The following IL1RAPL1 variants were observed in gnomAD, a reference collection of about 807,000 sequenced individuals.
IL1RAPL1 encodes the protein interleukin-1 receptor accessory protein-like 1.
A neutral mutation model predicts 48.4 loss-of-function variants in IL1RAPL1; 3 were observed. The ratio of observed to expected loss-of-function variants is 0.06; its 90% CI spans 0.03 to 0.16. IL1RAPL1 has a LOEUF of 0.16. IL1RAPL1 is among the 10% of genes least tolerant of loss of function. The pLI is 1.00. For synonymous variants in IL1RAPL1, 185 were observed against 187.7 expected, an observed-to-expected ratio of 0.99 and a Z score of 0.12; for missense variants, 349 against 530.6, an observed-to-expected ratio of 0.66 and a Z score of 3.36.
rs765881837 is a variant in IL1RAPL1, at chrX:29,141,365, A to G, written c.83-141573A>G. Among the ~76,000 whole-genome samples the G allele has an allele frequency of 2.7e-5, 3 of 111,730 alleles. No homozygotes were observed. The East Asian group carries it at 8.5e-4, about 32-fold the overall frequency. On this transcript the variant is annotated intron_variant, in intron 2 of 10. Coordinates refer to ENST00000378993, the MANE Select transcript of IL1RAPL1 (RefSeq NM_014271.4). ...CATCTCAATAAAACTTACAAACATGAGTCCTAAGGGTAGAATCAATTGGTG... is the reference window on the plus strand; with the variant it reads ...CATCTCAATAAAACTTACAAACATGGGTCCTAAGGGTAGAATCAATTGGTG...
chrX:29,430,308 A>G, intron 5 of IL1RAPL1, among the ~76,000 whole-genome samples: 1 of 111,339 alleles, frequency 9.0e-6, no homozygotes. Flanking sequence ...GCTGTGGAGT[A>G]GTCACTGCAT....
At position 29,508,875 on chromosome X, in the gene IL1RAPL1, C is replaced by CT. The variant is rs1232628477; in HGVS notation, c.703+109573dup. On this transcript the variant is annotated intron_variant, in intron 5 of 10. Transcript: ENST00000378993. ...TATTTATGTGTTATTAGTCTTACCA[C>CT]TTTTTTATATGGAGAAGTCAAAAAT... 2.7e-5 allele frequency among the ~76,000 whole-genome samples: 3 copies of CT among 112,131 alleles called. No individual in the cohort carries two copies. In the South Asian group the frequency reaches 1.1e-3, roughly 41 times the overall value.
intron 2 of IL1RAPL1, among the ~76,000 whole-genome samples, chrX:29,077,956 G>A (rs1927716353): frequency 9.0e-6 from 1 of 111,627 alleles, no homozygotes; most frequent in Non-Finnish European, 1.9e-5. Context: ...GAAAAGCCAC[G>A]CTACAAGACT....
intron 3 of IL1RAPL1, among the ~76,000 whole-genome samples, chrX:29,288,731 G>A (rs537010063): frequency 4.7e-4 from 53 of 112,124 alleles, no homozygotes; most frequent in African/African-American, 1.6e-3. Context: ...TTGAGGAATC[G>A]CCACACTGTC....
chrX:29,230,588 C>T (rs773834604), intron 2 of IL1RAPL1, among the ~76,000 whole-genome samples: 14 of 102,096 alleles, frequency 1.4e-4, no homozygotes, highest in Non-Finnish European at 2.6e-4. Flanking sequence ...TTCATCTCCC[C>T]ATCCCTTCCT....
intron 2 of IL1RAPL1, among the ~76,000 whole-genome samples, chrX:29,065,947 T>C (rs1040300270): frequency 8.9e-6 from 1 of 112,049 alleles, no homozygotes; most frequent in Non-Finnish European, 1.9e-5. Context: ...CTTCTTTAAA[T>C]ATGGTCTCCT....
chrX:28,919,318 T>G (rs953517549), intron 2 of IL1RAPL1, among the ~76,000 whole-genome samples: 10 of 112,289 alleles, frequency 8.9e-5, no homozygotes, highest in Non-Finnish European at 3.8e-5. Flanking sequence ...GGACAACCAG[T>G]TGCTCTCTGT....
chrX:29,493,731 A>G (rs1209555548), intron 5 of IL1RAPL1, among the ~76,000 whole-genome samples: 1 of 111,289 alleles, frequency 9.0e-6, no homozygotes, highest in African/African-American at 3.3e-5. Flanking sequence ...TTACATGGGT[A>G]TATTGCATAA....
chrX:29,097,094 T>C (rs1928231575), intron 2 of IL1RAPL1, among the ~76,000 whole-genome samples: 1 of 111,588 alleles, frequency 9.0e-6, no homozygotes, highest in South Asian at 3.7e-4. Context: ...AGATCCAACA[T>C]TGATATGTTA....
At chrX:28,606,750 T>G (rs767849172) in intron 1 of IL1RAPL1, among the ~76,000 whole-genome samples, 47 of 111,649 alleles carry the variant, frequency 4.2e-4, no homozygotes, top group African/African-American at 1.5e-3. Context: ...TCCCTAAGAA[T>G]TAAAGAGCTA....
intron 2 of IL1RAPL1, among the ~76,000 whole-genome samples, chrX:29,042,354 GTTCCCATTGGAACT>G (rs1926866078): frequency 9.0e-6 from 1 of 111,387 alleles, no homozygotes; most frequent in African/African-American, 3.3e-5. Flanking sequence ...CTCTTCTCTA[GTTCCCATTGGAACT>G]AGAAACTGTT....
chrX:29,772,877 A>G (rs2147152216), intron 6 of IL1RAPL1, among the ~76,000 whole-genome samples: 1 of 111,613 alleles, frequency 9.0e-6, no homozygotes, highest in African/African-American at 3.3e-5. Context: ...TTATTTCCTC[A>G]GGAATCCCTT....
Position 29,045,939 on chromosome X carries a change from T to C in IL1RAPL1, c.83-236999T>C, listed in dbSNP as rs867625984. Among the ~76,000 whole-genome samples the C allele has an allele frequency of 5.2e-3, 190 of 36,620 alleles. 7 individuals carry two copies. Among genetic ancestry groups the C allele is most frequent in the African/African-American group, 0.051 (174 of 3,437 alleles). 31.8% of individuals were successfully genotyped at this position (36,620 alleles called of 115,157 possible). A position where few individuals can be genotyped will look rare whatever the true frequency, so the allele number is the denominator to read the frequency against. ...CCTTCTTCCTCCTCCTCCTCCTCCT[T>C]CTTCCTCCTCCTCCTCCTCCTCCTC... On this transcript the variant is annotated intron_variant, in intron 2 of 10. Coordinates refer to ENST00000378993, the MANE Select transcript of IL1RAPL1 (RefSeq NM_014271.4).
chrX:29,803,513 A>G (rs763908253), intron 6 of IL1RAPL1, among the ~76,000 whole-genome samples: 2,758 of 95,714 alleles, frequency 0.029, 114 homozygotes, highest in African/African-American at 0.1. Context: ...ATGTGTATAT[A>G]TGTATATATG....
intron 2 of IL1RAPL1, among the ~76,000 whole-genome samples, chrX:28,933,307 A>G (rs1020639056): frequency 9.0e-6 from 1 of 110,976 alleles, no homozygotes; most frequent in African/African-American, 3.3e-5. Flanking sequence ...TCTCTCCCCC[A>G]TTGCAGCTCA....
chrX:29,606,374 G>A (rs1053537548), intron 5 of IL1RAPL1, among the ~76,000 whole-genome samples: 2 of 111,743 alleles, frequency 1.8e-5, no homozygotes, highest in East Asian at 2.8e-4. Flanking sequence ...AAGGGGGAAC[G>A]TGTTTGTAGA....
chrX:29,125,411 G>A (rs1359754399), intron 2 of IL1RAPL1, among the ~76,000 whole-genome samples: 2 of 111,808 alleles, frequency 1.8e-5, no homozygotes, highest in African/African-American at 6.5e-5. Context: ...CTCAAAAAAA[G>A]TAATGGCCAG....
intron 2 of IL1RAPL1, among the ~76,000 whole-genome samples, chrX:28,935,659 T>C (rs1923998289): frequency 8.9e-6 from 1 of 111,979 alleles, no homozygotes; most frequent in Non-Finnish European, 1.9e-5. Context: ...ATGTGAGACT[T>C]GTAATCCAGG....
chrX:29,007,084 A>G (rs1602008244), intron 2 of IL1RAPL1, among the ~76,000 whole-genome samples: 1 of 112,035 alleles, frequency 8.9e-6, no homozygotes, highest in Non-Finnish European at 1.9e-5. Flanking sequence ...TGGAAATTAT[A>G]TTCAACATTT....
Sources: allele counts gnomAD v4.1 joint callset (sites outside exome capture counted in the v4.1 genomes callset), GRCh38; gene constraint gnomAD v4.1.1; transcripts MANE v1.5; gene names NCBI Gene and HGNC (gene_info 2026-07-23, HGNC 2026-07-21).